The following LARP1 variants were observed in gnomAD, a reference collection of about 807,000 sequenced individuals.
LARP1 encodes la-related protein 1.
In LARP1, 36 loss-of-function variants were observed where a neutral mutation model predicts 122.7. The ratio of observed to expected loss-of-function variants is 0.29; its 90% confidence interval spans 0.22 to 0.39. LARP1 has a LOEUF of 0.39. Among genes scored for constraint, LARP1 ranks in the 10% least tolerant of loss-of-function variants. LARP1 has a pLI of 1.00. For synonymous variants in LARP1, 539 were observed against 528.7 expected, an observed-to-expected ratio of 1.02 and a Z score of -0.27; for missense variants, 1,040 against 1,403.6, an observed-to-expected ratio of 0.74 and a Z score of 4.14.
intron 14 of LARP1, chr5:154,804,756 C>T (rs752586414): frequency 4.4e-6 from 2 of 456,296 alleles, no homozygotes; most frequent in Non-Finnish European, 8.8e-6. Context: ...GGCCCACACT[C>T]TTTTTTATTT....
intron 1 of LARP1, among the ~76,000 whole-genome samples, chr5:154,777,756 C>T: frequency 6.6e-6 from 1 of 152,064 alleles, no homozygotes. Context: ...CCCATTTACC[C>T]TGATGTGATT....
chr5:154,767,211 T>A (rs1054840190), intron 1 of LARP1, among the ~76,000 whole-genome samples: 3 of 152,180 alleles, frequency 2.0e-5, no homozygotes, highest in Admixed American at 2.0e-4. Flanking sequence ...ATAGCTGGAG[T>A]GCCCACGTAC....
intron 1 of LARP1, among the ~76,000 whole-genome samples, chr5:154,701,153 T>C (rs890106493): frequency 6.6e-6 from 1 of 152,236 alleles, no homozygotes; most frequent in Admixed American, 6.5e-5. Context: ...GTTTGTTTTT[T>C]GTCTTAATTT....
rs1049197211 is a variant in LARP1, at chr5:154,758,294, A to G, written c.436+2101A>G. Among the ~76,000 whole-genome samples, 3 of 152,174 alleles carry G rather than the reference A, an allele frequency of 2.0e-5. No homozygotes were observed. The East Asian group carries it at 5.8e-4, about 29-fold the overall frequency. ...TCTCACCTTTTCCTCTGAGTGGAGAAGCTGACTTGCTTTAAGTGCCCAAAG... is the reference window on the plus strand; with the variant it reads ...TCTCACCTTTTCCTCTGAGTGGAGAGGCTGACTTGCTTTAAGTGCCCAAAG... On this transcript the variant is annotated intron_variant, in intron 1 of 18. Transcript: ENST00000518297.
intron 14 of LARP1, 170 bp from the exon 15 acceptor site, chr5:154,805,711 G>T: frequency 1.5e-6 from 1 of 670,480 alleles, no homozygotes; most frequent in East Asian, 2.6e-5. Context: ...AGTTGATGCA[G>T]AGTTAATCAG....
intron 15 of LARP1, among the ~76,000 whole-genome samples, chr5:154,807,272 C>CT (rs1758863595): frequency 6.6e-6 from 1 of 152,050 alleles, no homozygotes; most frequent in African/African-American, 2.4e-5. Context: ...TACTTTTTGT[C>CT]TATTGTGAAT....
chr5:154,789,851 C>T (rs1757200205), intron 1 of LARP1, among the ~76,000 whole-genome samples: 1 of 152,154 alleles, frequency 6.6e-6, no homozygotes, highest in Non-Finnish European at 1.5e-5. Context: ...TTTGATGGCT[C>T]ACTTAGAGTT....
chr5:154,715,843 C>T (rs1357004717), intron 1 of LARP1, among the ~76,000 whole-genome samples: 2 of 152,186 alleles, frequency 1.3e-5, no homozygotes, highest in Non-Finnish European at 2.9e-5. Flanking sequence ...CTACGATGAG[C>T]TAACAATTTT....
In LARP1 at chr5:154,803,138, T is replaced by C. The variant is rs1047322080; in HGVS notation, c.2110-152T>C. ...CCAAGGTAACTGGGGTGAGGAATGG[T>C]GACTGGGCAGCTGAGAGCCTGGGGA... On this transcript the variant is annotated intron_variant, in intron 11 of 18. Transcript: ENST00000518297. The surrounding 1 kb of genome is among the most constrained non-coding windows in gnomAD (Gnocchi z 4.4). 1.0e-6 allele frequency: 1 copy of C among 989,054 alleles called. No individual in the cohort carries two copies. Among genetic ancestry groups the C allele is most frequent in the Non-Finnish European group, 1.5e-6 (1 of 653,442 alleles). 61.3% of individuals were successfully genotyped at this position (989,054 alleles called of 1,614,324 possible). A position where few individuals can be genotyped will look rare whatever the true frequency, so the allele number is the denominator to read the frequency against.
At chr5:154,715,769 G>A (rs534438068) in intron 1 of LARP1, among the ~76,000 whole-genome samples, 8 of 152,306 alleles carry the variant, frequency 5.3e-5, no homozygotes, top group African/African-American at 1.9e-4. Context: ...GGACTAGGGA[G>A]CAGAAGGGAT....
intron 10 of LARP1, among the ~76,000 whole-genome samples, chr5:154,801,288 T>G (rs1029306224): frequency 6.6e-6 from 1 of 152,224 alleles, no homozygotes; most frequent in African/African-American, 2.4e-5. Flanking sequence ...GGCTTACTTA[T>G]GTTCATCCTG....
upstream of LARP1, among the ~76,000 whole-genome samples, chr5:154,750,510 G>C (rs1381060212): frequency 1.3e-5 from 2 of 152,226 alleles, no homozygotes; most frequent in African/African-American, 4.8e-5. Flanking sequence ...GGGCTCAAGA[G>C]GTCCACATGC....
At position 154,755,625 on chromosome 5, in the gene LARP1, C is replaced by A; in HGVS notation, c.-133C>A. 6 of 987,428 alleles carry A rather than the reference C, an allele frequency of 6.1e-6. No individual in the cohort carries two copies. Among genetic ancestry groups the A allele is most frequent in the Non-Finnish European group, 7.2e-6 (6 of 830,038 alleles). The allele number at this position is 987,428 out of a possible 1,614,324, so 61.2% of individuals were successfully genotyped here. ...GGGAGGGGGCCGCACCTCGCGTGAA[C>A]CCCGACCCTTCTCTGCAGGGACTGG... On this transcript the variant is annotated 5_prime_UTR_variant, in exon 1 of 19. Transcript: ENST00000518297.
intron 1 of LARP1, among the ~76,000 whole-genome samples, chr5:154,764,453 T>C (rs746914748): frequency 1.3e-4 from 20 of 148,982 alleles, no homozygotes; most frequent in African/African-American, 2.5e-5. Flanking sequence ...AAAAAAAAAT[T>C]AACTGGGTGT....
At chr5:154,795,896 TTATA>T (rs1179300793) in intron 8 of LARP1, among the ~76,000 whole-genome samples, 3 of 127,324 alleles carry the variant, frequency 2.4e-5, no homozygotes, top group Admixed American at 1.0e-4. Flanking sequence ...TTATATATAT[TTATA>T]TATTATATAT....
chr5:154,741,588 G>T (rs905267061), intron 1 of LARP1, among the ~76,000 whole-genome samples: 1 of 152,140 alleles, frequency 6.6e-6, no homozygotes, highest in African/African-American at 2.4e-5. Flanking sequence ...TGTGTGGGTG[G>T]GGGGAGTGGG....
At chr5:154,694,967 GT>G (rs1754399806) in intron 1 of LARP1, among the ~76,000 whole-genome samples, 1 of 152,008 alleles carries the variant, frequency 6.6e-6, no homozygotes, top group Non-Finnish European at 1.5e-5. Context: ...CTCCCAAAGT[GT>G]TGGGATTACA....
At position 154,737,832 on chromosome 5, in the gene LARP1, G is replaced by C. The variant is rs143144940; in HGVS notation, c.205+24702G>C. Among the ~76,000 whole-genome samples, 24 of 151,912 alleles carry C rather than the reference G, an allele frequency of 1.6e-4. No individual in the cohort carries two copies. In the East Asian group the frequency reaches 3.9e-3, roughly 25 times the overall value. On this transcript the variant is annotated intron_variant, in intron 1 of 18. Transcript: ENST00000336314. ...CCCGCCCCTGCCCCTCCTTGTGAAT[G>C]AGCTATCCTCATTGTTCCAGCTTTC...
chr5:154,755,318 G>A (rs865831868), upstream of LARP1, among the ~76,000 whole-genome samples: 1 of 148,814 alleles, frequency 6.7e-6, no homozygotes, highest in East Asian at 2.0e-4. Flanking sequence ...GCGCGCGCCC[G>A]CCCGCCGCCT....
Sources: gnomAD v4.1 joint callset for allele counts (sites outside exome capture counted in the v4.1 genomes callset) on GRCh38, gnomAD v4.1.1 for gene constraint, Gnocchi (gnomAD v3.1) non-coding constraint, MANE v1.5 for transcripts, NCBI Gene and HGNC (gene_info 2026-07-23, HGNC 2026-07-21) for gene names.